SYN3: variants seen among roughly 807,000 people sequenced by gnomAD.
The protein encoded by SYN3 is synapsin-3.
Under a neutral mutation model 65.8 loss-of-function variants are expected in SYN3, and 35 were observed. The ratio of observed to expected loss-of-function variants is 0.53; its 90% CI spans 0.41 to 0.70. SYN3 has a LOEUF of 0.70. SYN3 is among the 30% of genes least tolerant of loss of function. The pLI is 0.00. For missense variants in SYN3, 680 were observed against 749.0 expected (o/e 0.91, Z 1.08); for synonymous variants, 270 against 292.9 (o/e 0.92, Z 0.80).
At chr22:32,762,037 C>T (rs929014) in intron 6 of SYN3, among the ~76,000 whole-genome samples, 23,167 of 152,150 alleles carry the variant, frequency 0.15, 2,279 homozygotes, top group East Asian at 0.35. Context: ...GTGATGGCAT[C>T]GGTTTTCTCA....
chr22:32,990,522 A>G (rs1197021717), intron 2 of SYN3, among the ~76,000 whole-genome samples: 1 of 152,104 alleles, frequency 6.6e-6, no homozygotes, highest in Non-Finnish European at 1.5e-5. Flanking sequence ...ATATCCATCC[A>G]TCTAGGACAT....
At chr22:32,910,419 A>G (rs2050021901) in intron 4 of SYN3, among the ~76,000 whole-genome samples, 1 of 152,136 alleles carries the variant, frequency 6.6e-6, no homozygotes, top group African/African-American at 2.4e-5. Flanking sequence ...ACCACATGAC[A>G]TGATGGATGA....
intron 6 of SYN3, among the ~76,000 whole-genome samples, chr22:32,730,801 A>G (rs1454539659): frequency 1.3e-5 from 2 of 152,044 alleles, no homozygotes; most frequent in Non-Finnish European, 1.5e-5. Context: ...TACCTACCCA[A>G]CACATCACTT....
chr22:32,900,153 C>T (rs137525), intron 4 of SYN3, among the ~76,000 whole-genome samples: 137,215 of 150,414 alleles, frequency 0.91, 62,779 homozygotes, highest in African/African-American at 0.93. Context: ...TCTGAGAGAG[C>T]GTGACCTTCT....
At chr22:32,761,695 C>T (rs188353408) in intron 6 of SYN3, among the ~76,000 whole-genome samples, 4 of 152,254 alleles carry the variant, frequency 2.6e-5, no homozygotes, top group African/African-American at 4.8e-5. Context: ...CTTTGTTTTG[C>T]GGGGAGGCCA....
At chr22:32,692,795 A>C (rs1468785407) in intron 6 of SYN3, among the ~76,000 whole-genome samples, 1 of 152,068 alleles carries the variant, frequency 6.6e-6, no homozygotes, top group African/African-American at 2.4e-5. Flanking sequence ...TTTTCATATT[A>C]TATTATACAC....
At chr22:32,772,264 CT>C (rs11398597) in intron 6 of SYN3, among the ~76,000 whole-genome samples, 99 of 135,908 alleles carry the variant, frequency 7.3e-4, no homozygotes, top group Non-Finnish European at 1.0e-3. Flanking sequence ...TTTTTCTTTT[CT>C]TTTTTTTTTT....
chr22:32,525,016 A>G, intron 12 of SYN3, among the ~76,000 whole-genome samples: 1 of 152,062 alleles, frequency 6.6e-6, no homozygotes, highest in Non-Finnish European at 1.5e-5. Context: ...CTCTGTCTCA[A>G]AAAAAAAATT....
chr22:33,019,216 C>T (rs2053521196), intron 1 of SYN3, among the ~76,000 whole-genome samples: 1 of 152,220 alleles, frequency 6.6e-6, no homozygotes, highest in South Asian at 2.1e-4. Context: ...TTCCTTGCTA[C>T]TTTGGCCATG....
intron 6 of SYN3, among the ~76,000 whole-genome samples, chr22:32,785,252 G>A (rs767500162): frequency 6.6e-6 from 1 of 152,166 alleles, no homozygotes; most frequent in African/African-American, 2.4e-5. Flanking sequence ...GCCAGAGTTA[G>A]AACGTCTTTG....
rs542704787 is a variant in SYN3, at chr22:32,769,485, C to T, written c.711+95430G>A. ...CTGAGTTGAACTCAGTCAACTTTGC[C>T]GGTGGCTCCTTATCTCCCTGACTTC... On this transcript the variant is annotated intron_variant, in intron 6 of 13. Transcript: ENST00000358763. 5.3e-5 allele frequency among the ~76,000 whole-genome samples: 8 copies of T among 150,842 alleles called. No homozygotes were observed. In the East Asian group the frequency reaches 5.9e-4, roughly 11 times the overall value.
intron 6 of SYN3, among the ~76,000 whole-genome samples, chr22:32,728,256 A>G (rs1488491265): frequency 1.3e-5 from 2 of 152,260 alleles, no homozygotes; most frequent in Non-Finnish European, 2.9e-5. Flanking sequence ...TAATTAAACC[A>G]AAGAGCTTCT....
At position 32,754,547 on chromosome 22, in the gene SYN3, G is replaced by T. The variant is rs539919056; in HGVS notation, c.711+110368C>A. ...AGCAACCAGACCATCCTCTCCTGCTGCCGCAGACCTGATATGTGAAGAGTT... is the reference window on the plus strand; with the variant it reads ...AGCAACCAGACCATCCTCTCCTGCTTCCGCAGACCTGATATGTGAAGAGTT... On this transcript the variant is annotated intron_variant, in intron 6 of 13. Coordinates refer to ENST00000358763, the MANE Select transcript of SYN3 (RefSeq NM_003490.4). Among the ~76,000 whole-genome samples the T allele has an allele frequency of 2.6e-5, 4 of 152,292 alleles. No homozygotes were observed. In the East Asian group the frequency reaches 7.7e-4, roughly 29 times the overall value.
chr22:32,592,655 G>A (rs931505185), intron 7 of SYN3, among the ~76,000 whole-genome samples: 1 of 152,026 alleles, frequency 6.6e-6, no homozygotes, highest in Non-Finnish European at 1.5e-5. Context: ...TTAATCACCA[G>A]TGCCAACAAA....
chr22:32,596,446 C>T (rs2059201143), intron 7 of SYN3, among the ~76,000 whole-genome samples: 1 of 152,082 alleles, frequency 6.6e-6, no homozygotes, highest in Non-Finnish European at 1.5e-5. Flanking sequence ...GTTAGCAATT[C>T]CAGGTAGGAT....
intron 1 of SYN3, among the ~76,000 whole-genome samples, chr22:33,039,158 G>A (rs767228118): frequency 4.0e-4 from 61 of 152,072 alleles, no homozygotes; most frequent in Admixed American, 4.6e-4. Context: ...CAATCCTATC[G>A]TATAGATAAT....
chr22:32,861,022 A>G (rs185769643), intron 6 of SYN3: 1 of 151,652 alleles, frequency 6.6e-6, no homozygotes, highest in Admixed American at 6.6e-5. Context: ...GTGATAATGT[A>G]TATTTTACAG....
At chr22:32,879,103 C>G (rs2049058060) in intron 4 of SYN3, among the ~76,000 whole-genome samples, 3 of 152,068 alleles carry the variant, frequency 2.0e-5, no homozygotes, top group Admixed American at 1.3e-4. Flanking sequence ...TGAAAACAGT[C>G]TTTGAAAACA....
At chr22:32,993,568 A>T (rs188369968) in intron 2 of SYN3, among the ~76,000 whole-genome samples, 16 of 152,102 alleles carry the variant, frequency 1.1e-4, no homozygotes, top group Admixed American at 3.3e-4. Context: ...CTGGTCTCGA[A>T]CTCCTAACTT....
Sources: allele counts gnomAD v4.1 joint callset (sites outside exome capture counted in the v4.1 genomes callset), GRCh38; gene constraint gnomAD v4.1.1; transcripts MANE v1.5; gene names NCBI Gene and HGNC (gene_info 2026-07-23, HGNC 2026-07-21).